MCU: variants seen among roughly 807,000 people sequenced by gnomAD.
MCU encodes the protein mitochondrial calcium uniporter.
A neutral mutation model predicts 45.2 loss-of-function variants in MCU; 12 were observed. That is an observed-to-expected ratio of 0.27 (90% CI 0.17 to 0.43). The LOEUF (loss-of-function observed/expected upper bound fraction) is 0.43, where lower values mean the gene tolerates loss of function less well. MCU is among the 20% of genes least tolerant of loss of function. The pLI is 1.00. For synonymous variants in MCU, 160 were observed against 165.1 expected, an observed-to-expected ratio of 0.97 and a Z score of 0.24; for missense variants, 324 against 436.7, an observed-to-expected ratio of 0.74 and a Z score of 2.30.
chr10:72,778,559 T>C (rs971373940), intron 1 of MCU, among the ~76,000 whole-genome samples: 1 of 152,066 alleles, frequency 6.6e-6, no homozygotes, highest in South Asian at 2.1e-4. Context: ...GAGGCATGGG[T>C]AGAGGACAAA....
intron 1 of MCU, among the ~76,000 whole-genome samples, chr10:72,752,488 G>T (rs180740181): frequency 6.6e-6 from 1 of 152,156 alleles, no homozygotes; most frequent in African/African-American, 2.4e-5. Flanking sequence ...CATTAATGAC[G>T]TTGAAAACAT....
At chr10:72,769,367 G>T (rs1056131405) in intron 1 of MCU, among the ~76,000 whole-genome samples, 3 of 152,162 alleles carry the variant, frequency 2.0e-5, no homozygotes, top group East Asian at 3.8e-4. Context: ...TCCACTGCAG[G>T]TAGATGCATC....
chr10:72,781,083 G>A (rs1197169825), intron 1 of MCU, among the ~76,000 whole-genome samples: 2 of 152,114 alleles, frequency 1.3e-5, no homozygotes, highest in Non-Finnish European at 2.9e-5. Flanking sequence ...TTAAAGAATT[G>A]GAACACTGTA....
At chr10:72,856,259 G>C (rs1399057716) in intron 2 of MCU, among the ~76,000 whole-genome samples, 2 of 152,118 alleles carry the variant, frequency 1.3e-5, no homozygotes, top group Non-Finnish European at 2.9e-5. Flanking sequence ...ACTGGGATGG[G>C]GATCAGAGAA....
intron 1 of MCU, among the ~76,000 whole-genome samples, chr10:72,824,487 G>A (rs1388092144): frequency 1.3e-5 from 2 of 151,956 alleles, no homozygotes; most frequent in Non-Finnish European, 2.9e-5. Context: ...GGGATTACAG[G>A]CGTGAGGCAC....
intron 1 of MCU, among the ~76,000 whole-genome samples, chr10:72,827,005 T>A (rs754665641): frequency 6.6e-6 from 1 of 152,194 alleles, no homozygotes; most frequent in Non-Finnish European, 1.5e-5. Context: ...AATTTATAAA[T>A]TAAACTTTAT....
intron 1 of MCU, among the ~76,000 whole-genome samples, chr10:72,793,423 C>T (rs986029225): frequency 6.6e-6 from 1 of 152,050 alleles, no homozygotes; most frequent in Admixed American, 6.6e-5. Context: ...GGCAAACAGT[C>T]CTATATACCT....
intron 2 of MCU, among the ~76,000 whole-genome samples, chr10:72,848,453 T>C (rs889215545): frequency 7.2e-5 from 11 of 152,196 alleles, no homozygotes; most frequent in Admixed American, 5.2e-4. Context: ...CTCACCGTTT[T>C]TGGGAGTGGA....
At chr10:72,845,356 C>T (rs969008742) in intron 2 of MCU, among the ~76,000 whole-genome samples, 1 of 151,994 alleles carries the variant, frequency 6.6e-6, no homozygotes, top group African/African-American at 2.4e-5. Context: ...TTCTCTTAGC[C>T]TTATTTTTAT....
At chr10:72,802,409 T>TA (rs369833125) in intron 1 of MCU, among the ~76,000 whole-genome samples, 7,887 of 136,386 alleles carry the variant, frequency 0.058, 326 homozygotes, top group East Asian at 0.23. Context: ...GAGCTTTCTT[T>TA]AAAAAAAAAA....
chr10:72,822,409 ACAAC>A (rs1844727132), intron 1 of MCU, among the ~76,000 whole-genome samples: 1 of 152,214 alleles, frequency 6.6e-6, no homozygotes, highest in African/African-American at 2.4e-5. Context: ...GGTATTCTGA[ACAAC>A]TTTATGTCAA....
chr10:72,755,349 T>C (rs1843560154), intron 1 of MCU, among the ~76,000 whole-genome samples: 1 of 152,094 alleles, frequency 6.6e-6, no homozygotes, highest in Non-Finnish European at 1.5e-5. Context: ...GGTTTCAGCA[T>C]GTGGATCAGG....
intron 1 of MCU, among the ~76,000 whole-genome samples, chr10:72,753,835 C>T (rs377533863): frequency 3.6e-4 from 54 of 152,074 alleles, no homozygotes; most frequent in South Asian, 2.1e-3. Flanking sequence ...TCTGTGATCA[C>T]GCCACTGCAC....
At chr10:72,703,923 A>C (rs1288888391) in intron 1 of MCU, among the ~76,000 whole-genome samples, 1 of 152,124 alleles carries the variant, frequency 6.6e-6, no homozygotes, top group Non-Finnish European at 1.5e-5. Context: ...ACAACAAAAA[A>C]CAACTAAAAA....
intron 1 of MCU, among the ~76,000 whole-genome samples, chr10:72,702,047 C>G (rs920122918): frequency 1.3e-5 from 2 of 151,600 alleles, no homozygotes; most frequent in African/African-American, 4.9e-5. Context: ...CAGGACCAGC[C>G]TGACCAACAT....
chr10:72,755,817 G>A (rs751320730), intron 1 of MCU, among the ~76,000 whole-genome samples: 16 of 151,668 alleles, frequency 1.1e-4, no homozygotes, highest in Non-Finnish European at 1.8e-4. Flanking sequence ...CTTGCTTTAG[G>A]GATATTAGCC....
intron 1 of MCU, among the ~76,000 whole-genome samples, chr10:72,700,362 A>C (rs1462879294): frequency 1.3e-5 from 2 of 152,156 alleles, no homozygotes. Flanking sequence ...GTGCCCGGCC[A>C]AATTCTTAAA....
intron 1 of MCU, among the ~76,000 whole-genome samples, chr10:72,728,771 T>A (rs953018320): frequency 1.3e-5 from 2 of 152,122 alleles, no homozygotes; most frequent in Admixed American, 1.3e-4. Context: ...GAGAATGACT[T>A]GTTGAGAGTA....
At chr10:72,728,836 A>G (rs888193851) in intron 1 of MCU, among the ~76,000 whole-genome samples, 1 of 152,228 alleles carries the variant, frequency 6.6e-6, no homozygotes, top group Admixed American at 6.5e-5. Flanking sequence ...TGTTAACCCC[A>G]TGAACTATTG....
Sources: gnomAD v4.1 joint callset for allele counts (sites outside exome capture counted in the v4.1 genomes callset) on GRCh38, gnomAD v4.1.1 for gene constraint, MANE v1.5 for transcripts, NCBI Gene and HGNC (gene_info 2026-07-23, HGNC 2026-07-21) for gene names.